ATXN1: variants seen among roughly 807,000 people sequenced by gnomAD.
ATXN1 encodes ataxin-1.
ATXN1 carries 8 observed loss-of-function variants against 56.4 expected under a neutral mutation model. That is an observed-to-expected ratio of 0.14 (90% CI 0.08 to 0.26). The LOEUF is 0.26. Among genes scored for constraint, ATXN1 ranks in the 10% least tolerant of loss-of-function variants. The pLI is 1.00. For missense variants in ATXN1, 987 were observed against 1,106.5 expected, an observed-to-expected ratio of 0.89 and a Z score of 1.53; for synonymous variants, 514 against 494.6, an observed-to-expected ratio of 1.04 and a Z score of -0.52.
chr6:16,358,031 A>G (rs1361389795), intron 6 of ATXN1, among the ~76,000 whole-genome samples: 1 of 152,208 alleles, frequency 6.6e-6, no homozygotes, highest in Non-Finnish European at 1.5e-5. Context: ...GGAAGCTGAC[A>G]CTGGGAGAAA....
rs935123578 is a variant in ATXN1, at chr6:16,668,326, T to C, written c.-614-10425A>G. 5.3e-5 allele frequency among the ~76,000 whole-genome samples: 8 copies of C among 151,602 alleles called. No homozygotes were observed. The South Asian group carries it at 8.4e-4, about 16-fold the overall frequency. ...GTCATTTAGCATTAGGTATATCTCCTAATGCTATCCCTCCCCCCTCCCCCA... is the reference window on the plus strand; with the variant it reads ...GTCATTTAGCATTAGGTATATCTCCCAATGCTATCCCTCCCCCCTCCCCCA... On this transcript the variant is annotated intron_variant, in intron 2 of 7. Transcript: ENST00000436367.
Position 16,327,799 on chromosome 6 carries a change from C to G in ATXN1, c.512G>C (p.Arg171Pro), listed in dbSNP as rs549244231. 1 of 1,609,880 alleles carries G rather than the reference C, an allele frequency of 6.2e-7. No homozygotes were observed. ...SAAGATTPSQ[R>P]SQLEAYSTLL... The stretch of plus-strand genomic sequence containing the variant: ...AGTGGAATAGGCCTCCAGCTGGGAG[C>G]GCTGGGATGGAGTGGTGGCCCCTGC... The change falls in exon 7 of 8, where the codon CGC becomes CCC. Residue 171 changes from arginine (R) to proline (P), a missense_variant. Physicochemically the swap from Arg to Pro is moderately radical, Grantham distance 103. Transcript: ENST00000436367.
intron 4 of ATXN1, among the ~76,000 whole-genome samples, chr6:16,524,422 T>C (rs925581868): frequency 1.3e-5 from 2 of 152,182 alleles, no homozygotes; most frequent in African/African-American, 4.8e-5. Flanking sequence ...TCACACGCAT[T>C]GACCTTTTCA....
intron 4 of ATXN1, among the ~76,000 whole-genome samples, chr6:16,537,418 G>A (rs1761622129): frequency 6.6e-6 from 1 of 151,956 alleles, no homozygotes; most frequent in Non-Finnish European, 1.5e-5. Flanking sequence ...GTATTGGGAT[G>A]TTCTGGCCGG....
chr6:16,324,972 C>G (rs759881967), intron 7 of ATXN1, among the ~76,000 whole-genome samples: 2 of 152,114 alleles, frequency 1.3e-5, no homozygotes, highest in Non-Finnish European at 2.9e-5. Flanking sequence ...TAGCTAATTC[C>G]TAGAGGCCTG....
intron 4 of ATXN1, among the ~76,000 whole-genome samples, chr6:16,581,006 T>A (rs1762517184): frequency 6.6e-6 from 1 of 152,186 alleles, no homozygotes; most frequent in Admixed American, 6.5e-5. Context: ...AAATGTACAT[T>A]TCAACCTTTT....
chr6:16,327,267 G>T lies in ATXN1; in HGVS notation c.1044C>A (p.Gly348=), dbSNP rs141870598. 6.2e-7 allele frequency: 1 copy of T among 1,613,108 alleles called. No individual in the cohort carries two copies. The highest frequency in any genetic ancestry group is 8.5e-7 in the Non-Finnish European group (1 of 1,179,664). Residue 348 remains glycine, a synonymous_variant, in exon 7 of 8, where the codon GGC becomes GGA. Transcript: ENST00000436367. ...SSADLGLGKA[G]GKSVPHPYES... The stretch of plus-strand genomic sequence containing the variant: ...CGTACGGGTGAGGAACCGACTTGCC[G>T]CCTGCCTTGCCCAGGCCCAGGTCGG...
At chr6:16,739,587 T>C (rs142863892) in intron 2 of ATXN1, 1 of 297,600 alleles carries the variant, frequency 3.4e-6, no homozygotes, top group Non-Finnish European at 7.0e-6. Flanking sequence ...GCTCTGCAAA[T>C]GACAAAAGGT....
At chr6:16,587,179 T>C (rs1762640959) in intron 3 of ATXN1, among the ~76,000 whole-genome samples, 1 of 152,222 alleles carries the variant, frequency 6.6e-6, no homozygotes, top group Admixed American at 6.5e-5. Flanking sequence ...TGAGTGTAAG[T>C]TGGTGGTTAT....
At chr6:16,321,897 C>T (rs1041614934) in intron 7 of ATXN1, among the ~76,000 whole-genome samples, 12 of 152,160 alleles carry the variant, frequency 7.9e-5, no homozygotes, top group Non-Finnish European at 1.0e-4. Flanking sequence ...CATTAAAAAA[C>T]GGAACCCTCT....
intron 3 of ATXN1, among the ~76,000 whole-genome samples, chr6:16,597,824 A>G (rs1023157142): frequency 3.3e-5 from 5 of 152,220 alleles, no homozygotes; most frequent in East Asian, 1.9e-4. Context: ...AGCATAGGCT[A>G]AAGTTTTATT....
At chr6:16,370,319 TC>T (rs1339654842) in intron 6 of ATXN1, among the ~76,000 whole-genome samples, 2 of 152,218 alleles carry the variant, frequency 1.3e-5, no homozygotes, top group Non-Finnish European at 2.9e-5. Context: ...TTTGGGTCTA[TC>T]TTTTCTTTGC....
At chr6:16,689,047 C>CTGTGTG (rs149330723) in intron 2 of ATXN1, among the ~76,000 whole-genome samples, 16,690 of 151,456 alleles carry the variant, frequency 0.11, 1,874 homozygotes, top group African/African-American at 0.29. Flanking sequence ...TATGTGTACT[C>CTGTGTG]TGTGTGTGTG....
intron 3 of ATXN1, among the ~76,000 whole-genome samples, chr6:16,602,778 G>T (rs1404962790): frequency 6.6e-6 from 1 of 152,118 alleles, no homozygotes; most frequent in Non-Finnish European, 1.5e-5. Flanking sequence ...GGGGAAAGAG[G>T]ATAAGGTAAC....
At chr6:16,385,963 T>C (rs1758231673) in intron 6 of ATXN1, among the ~76,000 whole-genome samples, 1 of 152,226 alleles carries the variant, frequency 6.6e-6, no homozygotes, top group African/African-American at 2.4e-5. Flanking sequence ...CATTCCTATC[T>C]TACTCTGGGT....
chr6:16,378,053 T>C (rs1762178454), intron 6 of ATXN1, among the ~76,000 whole-genome samples: 1 of 152,194 alleles, frequency 6.6e-6, no homozygotes, highest in African/African-American at 2.4e-5. Flanking sequence ...ATGGCAGCCA[T>C]GGGGCTCGTT....
chr6:16,594,857 T>C (rs1762787166), intron 3 of ATXN1, among the ~76,000 whole-genome samples: 1 of 152,250 alleles, frequency 6.6e-6, no homozygotes, highest in Non-Finnish European at 1.5e-5. Context: ...GTTTATACTT[T>C]GTTCAGCACT....
At chr6:16,351,557 C>A (rs1162487415) in intron 6 of ATXN1, among the ~76,000 whole-genome samples, 2 of 152,096 alleles carry the variant, frequency 1.3e-5, no homozygotes, top group African/African-American at 4.8e-5. Flanking sequence ...CGCATGCCAC[C>A]ACGCCCAGCT....
In ATXN1 at chr6:16,328,932, A is replaced by G. The variant is rs549448859; in HGVS notation, c.-160-462T>C. ...ACAGAGCGACACTCTGTCTCCAAAA[A>G]CGAAACAAAACAACAACAACAAAAA... On this transcript the variant is annotated intron_variant, in intron 6 of 7. Coordinates refer to ENST00000436367, the MANE Select transcript of ATXN1 (RefSeq NM_001128164.2). This position sits in a 1 kb window ranked among gnomAD's most constrained non-coding sequence, Gnocchi z 6.2. 6.6e-6 allele frequency among the ~76,000 whole-genome samples: 1 copy of G among 152,232 alleles called. No homozygotes were observed. Among genetic ancestry groups the G allele is most frequent in the South Asian group, 2.1e-4 (1 of 4,820 alleles).
Sources: gnomAD v4.1 joint callset for allele counts (sites outside exome capture counted in the v4.1 genomes callset) on GRCh38, gnomAD v4.1.1 for gene constraint, Gnocchi (gnomAD v3.1) non-coding constraint, MANE v1.5 for transcripts, NCBI Gene and HGNC (gene_info 2026-07-23, HGNC 2026-07-21) for gene names.